The following TIMP3 variants were observed in gnomAD, a reference collection of about 807,000 sequenced individuals.
TIMP3 encodes TIMP metallopeptidase inhibitor 3.
A neutral mutation model predicts 30.0 loss-of-function variants in TIMP3; 11 were observed. That is an observed-to-expected ratio of 0.37 (90% CI 0.23 to 0.61). The LOEUF is 0.61. TIMP3 is among the 20% of genes least tolerant of loss of function. The pLI is 0.70. For synonymous variants in TIMP3, 112 were observed against 111.3 expected (o/e 1.01, Z -0.04); for missense variants, 181 against 276.8 (o/e 0.65, Z 2.45).
At chr22:32,827,561 C>A (rs139803904) in intron 1 of TIMP3, among the ~76,000 whole-genome samples, 225 of 152,122 alleles carry the variant, frequency 1.5e-3, no homozygotes, top group African/African-American at 5.1e-3. Context: ...AGTGGGTGGG[C>A]AAGGGAGAGG....
intron 1 of TIMP3, among the ~76,000 whole-genome samples, chr22:32,829,008 G>A (rs2047494255): frequency 6.6e-6 from 1 of 152,172 alleles, no homozygotes; most frequent in Non-Finnish European, 1.5e-5. Context: ...CTTGAGGGTT[G>A]GAGGAGACTA....
intron 1 of TIMP3, among the ~76,000 whole-genome samples, chr22:32,832,706 A>G (rs242078): frequency 0.48 from 72,820 of 150,582 alleles, 17,998 homozygotes; most frequent in Admixed American, 0.6. Flanking sequence ...TTTTATTGTG[A>G]TAATACTTAA....
chr22:32,833,074 T>C (rs1286884739), intron 1 of TIMP3, among the ~76,000 whole-genome samples: 1 of 152,158 alleles, frequency 6.6e-6, no homozygotes, highest in African/African-American at 2.4e-5. Flanking sequence ...TAGAAGTACT[T>C]AAATAGATGA....
At chr22:32,820,290 T>G (rs533385971) in intron 1 of TIMP3, among the ~76,000 whole-genome samples, 9 of 144,656 alleles carry the variant, frequency 6.2e-5, no homozygotes, top group East Asian at 2.2e-4. Flanking sequence ...GTGTGTGTGG[T>G]GTGTGTGGTG....
chr22:32,837,310 C>T lies in TIMP3; in HGVS notation c.122-12142C>T, dbSNP rs1388648109. On this transcript the variant is annotated intron_variant, in intron 1 of 4. Transcript: ENST00000266085. The surrounding 1 kb of genome is among the most constrained non-coding windows in gnomAD (Gnocchi z 4.1). ...GGGCCCCCGTGGAGAGGCTGGAGCACTCTCAGGGGATAGGGGGTGGTCTCA... is the reference window on the plus strand; with the variant it reads ...GGGCCCCCGTGGAGAGGCTGGAGCATTCTCAGGGGATAGGGGGTGGTCTCA... 6.6e-6 allele frequency among the ~76,000 whole-genome samples: 1 copy of T among 152,178 alleles called. No individual in the cohort carries two copies. Among genetic ancestry groups the T allele is most frequent in the Non-Finnish European group, 1.5e-5 (1 of 68,028 alleles).
intron 1 of TIMP3, among the ~76,000 whole-genome samples, chr22:32,842,481 G>C (rs1259435635): frequency 1.5e-4 from 23 of 152,158 alleles, no homozygotes; most frequent in Admixed American, 1.5e-3. Flanking sequence ...CAAGATCCTG[G>C]GGGGATGAGG....
intron 1 of TIMP3, among the ~76,000 whole-genome samples, chr22:32,806,898 C>A (rs1251967545): frequency 6.7e-6 from 1 of 148,684 alleles, no homozygotes; most frequent in Non-Finnish European, 1.5e-5. Flanking sequence ...CATTTACATA[C>A]ATAGGTATCC....
rs1383055640 is a variant in TIMP3, at chr22:32,861,331, G to A, written c.*1954G>A. ...ATTACCGTGTACCTTTCCCATTGTG[G>A]TCATGCCATTTGGCAGGGGGAGAAT... On this transcript the variant is annotated 3_prime_UTR_variant, in exon 5 of 5. Coordinates refer to ENST00000266085, the MANE Select transcript of TIMP3 (RefSeq NM_000362.5). The A allele has an allele frequency of 2.6e-5, 4 of 152,274 alleles. No homozygotes were observed. Among genetic ancestry groups the A allele is most frequent in the African/African-American group, 9.7e-5 (4 of 41,442 alleles). The allele number at this position is 152,274 out of a possible 1,614,324, so 9.4% of individuals were successfully genotyped here. A position where few individuals can be genotyped will look rare whatever the true frequency, so the allele number is the denominator to read the frequency against.
Position 32,860,920 on chromosome 22 carries a change from T to A in TIMP3, c.*1543T>A, listed in dbSNP as rs1455922764. 3 of 151,380 alleles carry A rather than the reference T, an allele frequency of 2.0e-5. No homozygotes were observed. Among genetic ancestry groups the A allele is most frequent in the Non-Finnish European group, 2.9e-5 (2 of 67,862 alleles). 9.4% of individuals were successfully genotyped at this position (151,380 alleles called of 1,614,324 possible). ...TTGTAGGGTTTCTGTTGTGTTTTTTTTTTTTTTTTTGAAATAAAACTATAA... is the reference window on the plus strand; with the variant it reads ...TTGTAGGGTTTCTGTTGTGTTTTTTATTTTTTTTTTGAAATAAAACTATAA... On this transcript the variant is annotated 3_prime_UTR_variant, in exon 5 of 5. Transcript: ENST00000266085.
At chr22:32,830,205 C>T (rs1293512332) in intron 1 of TIMP3, among the ~76,000 whole-genome samples, 1 of 152,186 alleles carries the variant, frequency 6.6e-6, no homozygotes, top group Non-Finnish European at 1.5e-5. Context: ...GCCCTCTAGC[C>T]TCTTCACTGT....
intron 1 of TIMP3, among the ~76,000 whole-genome samples, chr22:32,822,296 GC>G (rs1303183467): frequency 2.6e-5 from 4 of 152,092 alleles, no homozygotes; most frequent in African/African-American, 9.7e-5. Context: ...CATTTCCCCT[GC>G]ATGCCCTGCG....
intron 1 of TIMP3, among the ~76,000 whole-genome samples, chr22:32,815,443 T>C (rs1239216897): frequency 1.3e-5 from 2 of 152,186 alleles, no homozygotes; most frequent in African/African-American, 4.8e-5. Context: ...TATTTTAACA[T>C]TTATTGATTT....
At chr22:32,857,880 G>A (rs945139326) in intron 3 of TIMP3, 137 bp from the exon 4 acceptor site, 2 of 1,310,094 alleles carry the variant, frequency 1.5e-6, no homozygotes, top group Admixed American at 1.7e-5. Flanking sequence ...TGTTGGGTAG[G>A]GTGAAATAAA....
chr22:32,840,931 C>T (rs1033256907), intron 1 of TIMP3, among the ~76,000 whole-genome samples: 14 of 152,196 alleles, frequency 9.2e-5, no homozygotes, highest in African/African-American at 2.9e-4. Flanking sequence ...TCCCTGTATA[C>T]GTCTTCACAA....
At chr22:32,811,400 A>G (rs2046911152) in intron 1 of TIMP3, among the ~76,000 whole-genome samples, 1 of 152,182 alleles carries the variant, frequency 6.6e-6, no homozygotes, top group Non-Finnish European at 1.5e-5. Flanking sequence ...GTTGTTATAG[A>G]GCAGAGCTGA....
chr22:32,827,806 C>T (rs2047456181), intron 1 of TIMP3, among the ~76,000 whole-genome samples: 1 of 152,194 alleles, frequency 6.6e-6, no homozygotes, highest in African/African-American at 2.4e-5. Context: ...TCCTCAAATG[C>T]TCCAGGCTCC....
chr22:32,859,007 T>A (rs541991611), intron 4 of TIMP3, 173 bp from the exon 5 acceptor site: 1 of 688,754 alleles, frequency 1.5e-6, no homozygotes, highest in Admixed American at 2.1e-5. Context: ...TATCAGAATG[T>A]CTGTTAGACA....
chr22:32,853,137 T>A (rs919170840), intron 2 of TIMP3, among the ~76,000 whole-genome samples: 1 of 152,208 alleles, frequency 6.6e-6, no homozygotes, highest in African/African-American at 2.4e-5. Flanking sequence ...TTTGAAGCTC[T>A]AGCTGGAAGC....
chr22:32,845,670 AT>A (rs1375218446), intron 1 of TIMP3, among the ~76,000 whole-genome samples: 1 of 152,118 alleles, frequency 6.6e-6, no homozygotes, highest in East Asian at 1.9e-4. Context: ...TGTAGGGGCC[AT>A]ACTCCAGCAT....
Sources: gnomAD v4.1 joint callset for allele counts (sites outside exome capture counted in the v4.1 genomes callset) on GRCh38, gnomAD v4.1.1 for gene constraint, Gnocchi (gnomAD v3.1) non-coding constraint, MANE v1.5 for transcripts, NCBI Gene and HGNC (gene_info 2026-07-23, HGNC 2026-07-21) for gene names.